WARS1: variants seen among roughly 807,000 people sequenced by gnomAD.
The protein encoded by WARS1 is tryptophan--tRNA ligase, cytoplasmic.
WARS1 carries 17 observed loss-of-function variants against 47.8 expected under a neutral mutation model. The observed-to-expected ratio is 0.36, with a 90% CI of 0.24 to 0.53. The LOEUF (loss-of-function observed/expected upper bound fraction) is 0.53. Among genes scored for constraint, WARS1 ranks in the 20% least tolerant of loss-of-function variants. The pLI is 0.91. For synonymous variants in WARS1, 208 were observed against 228.1 expected, an observed-to-expected ratio of 0.91 and a Z score of 0.79; for missense variants, 434 against 608.0, an observed-to-expected ratio of 0.71 and a Z score of 3.01.
At position 100,338,849 on chromosome 14, in the gene WARS1, G is replaced by A. The variant is rs184039432; in HGVS notation, c.1114-1647C>T. Among the ~76,000 whole-genome samples, 672 of 151,656 alleles carry A rather than the reference G, an allele frequency of 4.4e-3. 1 individual carries two copies. Among genetic ancestry groups the A allele is most frequent in the Non-Finnish European group, 7.5e-3 (511 of 67,888 alleles). On this transcript the variant is annotated intron_variant, in intron 9 of 10. Coordinates refer to ENST00000392882, the MANE Select transcript of WARS1 (RefSeq NM_004184.4). The stretch of plus-strand genomic sequence containing the variant: ...CAGCCGGGTGCAGTGGCTCACACCT[G>A]TAATCCCAGCACTTTGGGAGGCCGA...
intron 10 of WARS1, among the ~76,000 whole-genome samples, chr14:100,336,290 A>AAAAT (rs1459053850): frequency 6.6e-6 from 1 of 150,570 alleles, no homozygotes; most frequent in Non-Finnish European, 1.5e-5. Context: ...AAAAAAAAAA[A>AAAAT]AGAAAGAAAT....
intron 6 of WARS1, among the ~76,000 whole-genome samples, chr14:100,347,113 A>T (rs775721039): frequency 2.2e-4 from 33 of 152,258 alleles, no homozygotes; most frequent in Admixed American, 1.8e-3. Flanking sequence ...CAGACATACA[A>T]ACAAGGCAAG....
intron 2 of WARS1, chr14:100,365,449 G>C (rs537480269): frequency 1.6e-5 from 4 of 246,600 alleles, no homozygotes; most frequent in Non-Finnish European, 3.3e-5. Flanking sequence ...GTGTGGTGGC[G>C]GGCGCCTGCA....
At chr14:100,350,197 G>C (rs1194542887) in intron 6 of WARS1, among the ~76,000 whole-genome samples, 1 of 151,102 alleles carries the variant, frequency 6.6e-6, no homozygotes, top group Admixed American at 6.6e-5. Context: ...TTCGAGACCA[G>C]CCTGGCCAAC....
chr14:100,342,271 G>A lies in WARS1; in HGVS notation c.1113+127C>T, dbSNP rs144215954. 455 of 1,333,030 alleles carry A rather than the reference G, an allele frequency of 3.4e-4. 2 individuals are homozygous for A. In the East Asian group the frequency reaches 0.01, roughly 30 times the overall value. The allele number at this position is 1,333,030 out of a possible 1,614,324, so 82.6% of individuals were successfully genotyped here. A position where few individuals can be genotyped will look rare whatever the true frequency, so the allele number is the denominator to read the frequency against. On this transcript the variant is annotated intron_variant, in intron 9 of 10. Coordinates refer to ENST00000392882, the MANE Select transcript of WARS1 (RefSeq NM_004184.4). ...AGGGAGCAAAGTTGGCAATCCTGGA[G>A]TTCAGCATTGCTACGGTGGCTGGGT...
At chr14:100,340,031 C>A (rs980635672) in intron 9 of WARS1, 2 of 152,198 alleles carry the variant, frequency 1.3e-5, no homozygotes, top group South Asian at 4.1e-4. Flanking sequence ...TCCCCAACAA[C>A]CCAATGACCT....
At chr14:100,336,982 G>A (rs1893775364) in intron 10 of WARS1, 80 bp downstream of exon 10, 1 of 1,557,612 alleles carries the variant, frequency 6.4e-7, no homozygotes. Context: ...CTTCATGCCT[G>A]GCTGTTGGAG....
At chr14:100,348,536 G>A (rs1386143849) in intron 6 of WARS1, among the ~76,000 whole-genome samples, 2 of 152,196 alleles carry the variant, frequency 1.3e-5, no homozygotes, top group East Asian at 1.9e-4. Flanking sequence ...AAACAACAGA[G>A]AGCAAGAGCA....
Position 100,334,872 on chromosome 14 carries a change from G to A in WARS1, c.*3C>T, listed in dbSNP as rs1893598959. ...TCTTTTATAAGCATATGTAAAACGA[G>A]TGCTACTGAAAGTCGAAGGACAGCT... On this transcript the variant is annotated 3_prime_UTR_variant, in exon 11 of 11. Coordinates refer to ENST00000392882, the MANE Select transcript of WARS1 (RefSeq NM_004184.4). 1 of 1,613,714 alleles carries A rather than the reference G, an allele frequency of 6.2e-7. No homozygotes were observed. The highest frequency in any genetic ancestry group is 1.3e-5 in the African/African-American group (1 of 75,038).
rs916621272 is a variant in WARS1 at position 100,366,627 on chromosome 14, T to A, written c.99+2460A>T. On this transcript the variant is annotated intron_variant, in intron 2 of 10. Coordinates refer to ENST00000392882, the MANE Select transcript of WARS1 (RefSeq NM_004184.4). ...TGAGAGGTCAGATTGCTGTCAGACA[T>A]GGCCCATGGACATGGACATGAGCAT... is the stretch of plus-strand genomic sequence containing the variant. The A allele has an allele frequency of 1.9e-5, 14 of 752,354 alleles. No individual in the cohort carries two copies. In the African/African-American group the frequency reaches 2.4e-4, roughly 13 times the overall value. 46.6% of individuals were successfully genotyped at this position (752,354 alleles called of 1,614,324 possible).
Position 100,343,313 on chromosome 14 carries a change from T to C in WARS1, c.901A>G (p.Thr301Ala). The change falls in exon 8 of 11, where the codon ACG becomes GCG. Residue 301 changes from threonine (T) to alanine (A), a missense_variant. By Grantham distance (58) the Thr-to-Ala change is moderately conservative. Coordinates refer to ENST00000392882, the MANE Select transcript of WARS1 (RefSeq NM_004184.4). ...CATGGGATAAGGCACTGGATATCCG[T>C]CCTGTCTCGGAAGATCTGTGGGAAT... is the stretch of plus-strand genomic sequence containing the variant. ...NSFPQIFRDRTDIQCLIPCAI... is the reference protein window; with the variant it reads ...NSFPQIFRDRADIQCLIPCAI... The C allele has an allele frequency of 6.2e-7, 1 of 1,613,258 alleles. No individual in the cohort carries two copies.
chr14:100,361,690 A>C lies in WARS1; in HGVS notation c.313+18T>G, dbSNP rs1397228955. 1 of 1,606,560 alleles carries C rather than the reference A, an allele frequency of 6.2e-7. No individual in the cohort carries two copies. Among genetic ancestry groups the C allele is most frequent in the Admixed American group, 1.7e-5 (1 of 59,636 alleles). On this transcript the variant is annotated intron_variant, in intron 3 of 10. Transcript: ENST00000392882. ...CTAAAAGTTGCAGCTTTTTCTGGGAAGAAAGCAGAGGACGTACCAATGAGC... is the reference window on the plus strand; with the variant it reads ...CTAAAAGTTGCAGCTTTTTCTGGGACGAAAGCAGAGGACGTACCAATGAGC...
chr14:100,351,431 T>A (rs1377011934), intron 6 of WARS1, among the ~76,000 whole-genome samples: 2 of 142,446 alleles, frequency 1.4e-5, no homozygotes, highest in Non-Finnish European at 3.0e-5. Context: ...GCGGGGAGGA[T>A]CACTTGAGGT....
At chr14:100,354,635 TG>T in intron 4 of WARS1, 69 bp from the exon 5 acceptor site, 1 of 1,529,904 alleles carries the variant, frequency 6.5e-7, no homozygotes. Flanking sequence ...AATGCACTTT[TG>T]GAAATGGAAA....
rs1595412416 is a variant in WARS1 at position 100,342,545 on chromosome 14, G to A, written c.966C>T (p.Asp322=). 9 of 1,612,270 alleles carry A rather than the reference G, an allele frequency of 5.6e-6. No individual in the cohort carries two copies. The highest frequency in any genetic ancestry group is 2.2e-5 in the East Asian group (1 of 44,836). The change falls in exon 9 of 11, where the codon GAC becomes GAT. Residue 322 remains aspartate (D), a synonymous_variant. Coordinates refer to ENST00000392882, the MANE Select transcript of WARS1 (RefSeq NM_004184.4). ...TAGGATAGCCGATCCTGGGGGCGAC[G>A]TCCCTTGTCATTCTAAAGTAAGGAT... ...DQDPYFRMTR[D]VAPRIGYPKP...
At chr14:100,335,480 T>G (rs1030170341) in intron 10 of WARS1, among the ~76,000 whole-genome samples, 1 of 151,824 alleles carries the variant, frequency 6.6e-6, no homozygotes. Context: ...CAGGTTCAAG[T>G]GATTCTCCTG....
chr14:100,366,229 C>A (rs1566864939), intron 2 of WARS1, among the ~76,000 whole-genome samples: 1 of 152,202 alleles, frequency 6.6e-6, no homozygotes, highest in Non-Finnish European at 1.5e-5. Context: ...AGAACTCTGG[C>A]AGCGGGACTC....
intron 9 of WARS1, among the ~76,000 whole-genome samples, chr14:100,341,467 T>A (rs1894159571): frequency 6.6e-6 from 1 of 152,124 alleles, no homozygotes; most frequent in Non-Finnish European, 1.5e-5. Flanking sequence ...TCCAGAACGG[T>A]CAGGGGCAGT....
intron 4 of WARS1, among the ~76,000 whole-genome samples, 189 bp downstream of exon 4, chr14:100,360,365 C>G (rs1484647527): frequency 6.6e-6 from 1 of 152,090 alleles, no homozygotes; most frequent in African/African-American, 2.4e-5. Context: ...AAACTAAGAG[C>G]CTGAGGGTGA....
Sources: allele counts gnomAD v4.1 joint callset (sites outside exome capture counted in the v4.1 genomes callset), GRCh38; gene constraint gnomAD v4.1.1; transcripts MANE v1.5; gene names NCBI Gene and HGNC (gene_info 2026-07-23, HGNC 2026-07-21).